IL31: variants seen among roughly 807,000 people sequenced by gnomAD.
The protein encoded by IL31 is interleukin 31.
Under a neutral mutation model 7.8 loss-of-function variants are expected in IL31, and 8 were observed. That is an observed-to-expected ratio of 1.02 (90% CI 0.60 to 1.84). The LOEUF is 1.84. IL31 is among the 40% of genes most tolerant of loss of function. The pLI is 0.00. For synonymous variants in IL31, 87 were observed against 86.5 expected, an observed-to-expected ratio of 1.01 and a Z score of -0.03; for missense variants, 162 against 205.6, an observed-to-expected ratio of 0.79 and a Z score of 1.30.
chr12:122,172,678 C>A lies in IL31; in HGVS notation c.229G>T (p.Ala77Ser), dbSNP rs142483430. Residue 77 changes from alanine (A) to serine (S), a missense_variant, in exon 3 of 3, where the codon GCC (alanine) becomes TCC (serine). Ala to Ser is a moderately conservative substitution (Grantham distance 99). Coordinates refer to ENST00000377035, the MANE Select transcript of IL31 (RefSeq NM_001014336.2). The part of the protein sequence containing the change: ...NYTLPCLSPD[A>S]QPPNNIHSPA... ...CTGTGGATGTTGTTTGGCGGCTGGGCGTCAGGGCTGAGACACGGCAGCGTG... is the reference window on the plus strand; with the variant it reads ...CTGTGGATGTTGTTTGGCGGCTGGGAGTCAGGGCTGAGACACGGCAGCGTG... 4 of 1,613,874 alleles carry A rather than the reference C, an allele frequency of 2.5e-6. No homozygotes were observed. In the African/African-American group the frequency reaches 5.3e-5, roughly 22 times the overall value.
In IL31 at chr12:122,172,564, T is replaced by G; in HGVS notation, c.343A>C (p.Ile115Leu). Residue 115 changes from isoleucine to leucine, a missense_variant, in exon 3 of 3, where the codon ATA becomes CTA. Ile to Leu is a conservative substitution (Grantham distance 5, BLOSUM62 2). Coordinates refer to ENST00000377035, the MANE Select transcript of IL31 (RefSeq NM_001014336.2). ...DEIIEHLDKL[I>L]FQDAPETNIS... ...TTTGTTTCTGGTGCATCTTGAAATA[T>G]GAGTTTGTCGAGGTGCTCTATGATC... is the stretch of plus-strand genomic sequence containing the variant. 1.2e-6 allele frequency: 2 copies of G among 1,614,208 alleles called. No individual in the cohort carries two copies. The highest frequency in any genetic ancestry group is 2.2e-5 in the South Asian group (2 of 91,086).
rs751221471 is a variant in IL31, at chr12:122,172,384, C to T, written c.*28G>A. On this transcript the variant is annotated 3_prime_UTR_variant, in exon 3 of 3. Coordinates refer to ENST00000377035, the MANE Select transcript of IL31 (RefSeq NM_001014336.2). ...TCATCTTTTTAAGGCTCCTTAAGTT[C>T]CTGCCAATCCGAAAGGAAGAGATGG... The T allele has an allele frequency of 3.1e-5, 48 of 1,540,764 alleles. No homozygotes were observed. The East Asian group carries it at 7.0e-4, about 22-fold the overall frequency.
intron 2 of IL31, among the ~76,000 whole-genome samples, chr12:122,173,106 A>G (rs537473679): frequency 1.3e-5 from 2 of 151,936 alleles, no homozygotes; most frequent in Non-Finnish European, 2.9e-5. Flanking sequence ...TATAAAGGAG[A>G]GTGTTAGGCT....
At chr12:122,174,094 C>T (rs1953515253) in intron 1 of IL31, 63 bp downstream of exon 1, 4 of 1,614,028 alleles carry the variant, frequency 2.5e-6, no homozygotes, top group Non-Finnish European at 2.5e-6. Context: ...GTAGTGCTTC[C>T]AGAATCTTCC....
Position 122,172,331 on chromosome 12 carries a change from C to T in IL31, c.*81G>A, listed in dbSNP as rs996377426. 60 of 1,005,586 alleles carry T rather than the reference C, an allele frequency of 6.0e-5. No individual in the cohort carries two copies. Among genetic ancestry groups the T allele is most frequent in the Admixed American group, 8.8e-5 (4 of 45,284 alleles). 62.3% of individuals were successfully genotyped at this position (1,005,586 alleles called of 1,614,324 possible). ...TTGGAAAAATGTACTTAAGGAATCACGGCAGAGTTCCCACACTTAGCTGTC... is the reference window on the plus strand; with the variant it reads ...TTGGAAAAATGTACTTAAGGAATCATGGCAGAGTTCCCACACTTAGCTGTC... On this transcript the variant is annotated 3_prime_UTR_variant, in exon 3 of 3. Coordinates refer to ENST00000377035, the MANE Select transcript of IL31 (RefSeq NM_001014336.2).
Position 122,173,865 on chromosome 12 carries a change from G to A in IL31, c.144C>T (p.Leu48=). ...VQKIVEELQS[L]SKMLLKDVEE... ...TCACATCTTTCAAAAGCATCTTCGAGAGGGACTGTAATTCCTCGACTATTT... is the reference window on the plus strand; with the variant it reads ...TCACATCTTTCAAAAGCATCTTCGAAAGGGACTGTAATTCCTCGACTATTT... The change falls in exon 2 of 3, where the codon CTC becomes CTT. Residue 48 remains leucine (L), a synonymous_variant. Coordinates refer to ENST00000377035, the MANE Select transcript of IL31 (RefSeq NM_001014336.2). 6.2e-7 allele frequency: 1 copy of A among 1,614,008 alleles called. No individual in the cohort carries two copies. The highest frequency in any genetic ancestry group is 8.5e-7 in the Non-Finnish European group (1 of 1,179,968).
At position 122,173,951 on chromosome 12, in the gene IL31, C is replaced by G; in HGVS notation, c.58G>C (p.Gly20Arg). 6.2e-7 allele frequency: 1 copy of G among 1,614,168 alleles called. No homozygotes were observed. Among genetic ancestry groups the G allele is most frequent in the African/African-American group, 1.3e-5 (1 of 75,044 alleles). Residue 20 changes from glycine to arginine, a missense_variant, in exon 2 of 3, where the codon GGC (glycine) becomes CGC (arginine). By Grantham distance (125) the Gly-to-Arg change is moderately radical. Transcript: ENST00000377035. ...GGCAACGTGTGGGAGGCCAGCCAGC[C>G]TCCCAGGCAGCAGAACAGAAAGAGC... ...SVLFLFCCLG[G>R]WLASHTLPVR... is the part of the protein sequence containing the mutation.
chr12:122,172,514 A>G lies in IL31; in HGVS notation c.393T>C (p.His131=). 1 of 1,614,190 alleles carries G rather than the reference A, an allele frequency of 6.2e-7. No homozygotes were observed. Among genetic ancestry groups the G allele is most frequent in the East Asian group, 2.2e-5 (1 of 44,888 alleles). Reference sequence around the variant, plus strand: ...TAGTCAGGATGAAGCGTTTACATTCATGGGTGTCTGTTGGCACAGAAATGT... The same window carrying G: ...TAGTCAGGATGAAGCGTTTACATTCGTGGGTGTCTGTTGGCACAGAAATGT... The part of the protein sequence containing the change: ...ETNISVPTDT[H]ECKRFILTIS... The change falls in exon 3 of 3, where the codon CAT becomes CAC. Residue 131 remains histidine (H), a synonymous_variant. Coordinates refer to ENST00000377035, the MANE Select transcript of IL31 (RefSeq NM_001014336.2).
Position 122,172,673 on chromosome 12 carries a change from C to T in IL31, c.234G>A (p.Gln78=), listed in dbSNP as rs1593138796. Reference sequence around the variant, plus strand: ...CTGGGCTGTGGATGTTGTTTGGCGGCTGGGCGTCAGGGCTGAGACACGGCA... The same window carrying T: ...CTGGGCTGTGGATGTTGTTTGGCGGTTGGGCGTCAGGGCTGAGACACGGCA... The part of the protein sequence containing the change: ...YTLPCLSPDA[Q]PPNNIHSPAI... The change falls in exon 3 of 3, where the codon CAG becomes CAA. Residue 78 remains glutamine, a synonymous_variant. Coordinates refer to ENST00000377035, the MANE Select transcript of IL31 (RefSeq NM_001014336.2). 1 of 1,614,128 alleles carries T rather than the reference C, an allele frequency of 6.2e-7. No homozygotes were observed. Among genetic ancestry groups the T allele is most frequent in the Non-Finnish European group, 8.5e-7 (1 of 1,180,024 alleles).
rs536948806 is a variant in IL31, at chr12:122,173,723, C to T, written c.165+121G>A. 1.1e-5 allele frequency: 9 copies of T among 844,240 alleles called. No individual in the cohort carries two copies. In the East Asian group the frequency reaches 1.5e-4, roughly 14 times the overall value. The allele number at this position is 844,240 out of a possible 1,614,324, so 52.3% of individuals were successfully genotyped here. Reference sequence around the variant, plus strand: ...AGCCATCTTTGCCTGTCTAGTTTCCCCCATCCCTTCCTGGCATAGCTACAG... The same window carrying T: ...AGCCATCTTTGCCTGTCTAGTTTCCTCCATCCCTTCCTGGCATAGCTACAG... On this transcript the variant is annotated intron_variant, in intron 2 of 2. Coordinates refer to ENST00000377035, the MANE Select transcript of IL31 (RefSeq NM_001014336.2).
Position 122,173,885 on chromosome 12 carries a change from C to T in IL31, c.124G>A (p.Val42Ile), listed in dbSNP as rs1418570753. ...TTCGAGAGGGACTGTAATTCCTCGA[C>T]TATTTTCTGTACATCATCACTTGGT... ...LRPSDDVQKI[V>I]EELQSLSKML... The change falls in exon 2 of 3, where the codon GTC becomes ATC. Residue 42 changes from valine to isoleucine, a missense_variant. Coordinates refer to ENST00000377035, the MANE Select transcript of IL31 (RefSeq NM_001014336.2). The T allele has an allele frequency of 1.2e-6, 2 of 1,614,170 alleles. No homozygotes were observed. Among genetic ancestry groups the T allele is most frequent in the Middle Eastern group, 1.6e-4 (1 of 6,062 alleles).
chr12:122,172,429 G>A lies in IL31; in HGVS notation c.478C>T (p.Gln160Ter), dbSNP rs1308110129. 3 of 1,612,814 alleles carry A rather than the reference G, an allele frequency of 1.9e-6. No homozygotes were observed. The highest frequency in any genetic ancestry group is 1.1e-5 in the South Asian group (1 of 90,974). The change falls in exon 3 of 3, where the codon CAA (glutamine) becomes TAA (stop). Residue 160 changes from glutamine (Q) to a stop codon, truncating the protein, a stop_gained. Transcript: ENST00000377035. LOFTEE classifies it high-confidence loss of function. ...AGATGGCCTTAAGTGGTGGCCTGTTGGGCTCCAGAGGTCAATGATTTTAGT... is the reference window on the plus strand; with the variant it reads ...AGATGGCCTTAAGTGGTGGCCTGTTAGGCTCCAGAGGTCAATGATTTTAGT... ...LALKSLTSGA[Q>*]QATT
In IL31 at chr12:122,173,951, C is replaced by T. The variant is rs1313486818; in HGVS notation, c.58G>A (p.Gly20Ser). 4.3e-6 allele frequency: 7 copies of T among 1,614,050 alleles called. No homozygotes were observed. The highest frequency in any genetic ancestry group is 1.3e-5 in the African/African-American group (1 of 74,922). ...SVLFLFCCLG[G>S]WLASHTLPVR... ...GGCAACGTGTGGGAGGCCAGCCAGC[C>T]TCCCAGGCAGCAGAACAGAAAGAGC... The change falls in exon 2 of 3, where the codon GGC (glycine) becomes AGC (serine). Residue 20 changes from glycine to serine, a missense_variant. Coordinates refer to ENST00000377035, the MANE Select transcript of IL31 (RefSeq NM_001014336.2).
chr12:122,172,610 G>C lies in IL31; in HGVS notation c.297C>G (p.Asp99Glu), dbSNP rs1341248772. ...TGATCTCATCAATAACAGATTTGTTGTCTAGCTGTCTGATTGTCTTGAGAT... is the reference window on the plus strand; with the variant it reads ...TGATCTCATCAATAACAGATTTGTTCTCTAGCTGTCTGATTGTCTTGAGAT... ...RAYLKTIRQL[D>E]NKSVIDEIIE... The change falls in exon 3 of 3, where the codon GAC becomes GAG. Residue 99 changes from aspartate to glutamate, a missense_variant. Asp to Glu is a conservative substitution (Grantham distance 45). Coordinates refer to ENST00000377035, the MANE Select transcript of IL31 (RefSeq NM_001014336.2). The C allele has an allele frequency of 6.2e-7, 1 of 1,614,050 alleles. No individual in the cohort carries two copies. The highest frequency in any genetic ancestry group is 8.5e-7 in the Non-Finnish European group (1 of 1,180,038).
chr12:122,173,276 A>G (rs867170220), intron 2 of IL31, among the ~76,000 whole-genome samples: 1 of 152,360 alleles, frequency 6.6e-6, no homozygotes, highest in African/African-American at 2.4e-5. Context: ...TTGGGTTGGT[A>G]ACAACCTCTG....
rs1953495907 is a variant in IL31, at chr12:122,172,580, C to T, written c.327G>A (p.Glu109=). The part of the protein sequence containing the change: ...DNKSVIDEII[E]HLDKLIFQDA... ...CTTGAAATATGAGTTTGTCGAGGTG[C>T]TCTATGATCTCATCAATAACAGATT... Residue 109 remains glutamate (E), a synonymous_variant, in exon 3 of 3, where the codon GAG becomes GAA. Coordinates refer to ENST00000377035, the MANE Select transcript of IL31 (RefSeq NM_001014336.2). 6.2e-7 allele frequency: 1 copy of T among 1,614,168 alleles called. No homozygotes were observed. Among genetic ancestry groups the T allele is most frequent in the African/African-American group, 1.3e-5 (1 of 75,028 alleles).
rs996259357 is a variant in IL31, at chr12:122,172,068, G to A, written c.*344C>T. On this transcript the variant is annotated 3_prime_UTR_variant, in exon 3 of 3. Transcript: ENST00000377035. The stretch of plus-strand genomic sequence containing the variant: ...CAATATAATTTATTAAATAGATTCC[G>A]AGGGCTCCCCCAGGGAGCATTGACA... The A allele has an allele frequency of 2.2e-5, 4 of 178,894 alleles. No homozygotes were observed. Among genetic ancestry groups the A allele is most frequent in the South Asian group, 1.4e-4 (1 of 7,100 alleles). The allele number at this position is 178,894 out of a possible 1,614,324, so 11.1% of individuals were successfully genotyped here. A position where few individuals can be genotyped will look rare whatever the true frequency, so the allele number is the denominator to read the frequency against.
At chr12:122,174,014 G>T in intron 1 of IL31, 22 bp from the exon 2 acceptor site, 2 of 1,613,710 alleles carry the variant, frequency 1.2e-6, no homozygotes, top group Admixed American at 1.7e-5. Context: ...ACGATGCCGT[G>T]AGCGCATACA....
intron 2 of IL31, among the ~76,000 whole-genome samples, chr12:122,173,491 C>G (rs199756249): frequency 6.6e-6 from 1 of 152,220 alleles, no homozygotes. Flanking sequence ...CAAGACCAGC[C>G]TGGCCAACGT....
Sources: allele counts gnomAD v4.1 joint callset (sites outside exome capture counted in the v4.1 genomes callset), GRCh38; gene constraint gnomAD v4.1.1; transcripts MANE v1.5; gene names NCBI Gene and HGNC (gene_info 2026-07-23, HGNC 2026-07-21).